Variants in COLEC10 observed in about 807,000 individuals in gnomAD.
The protein encoded by COLEC10 is collectin subfamily member 10.
Under a neutral mutation model 28.4 loss-of-function variants are expected in COLEC10, and 22 were observed. The observed-to-expected ratio is 0.78, with a 90% CI of 0.55 to 1.11. COLEC10 has a LOEUF of 1.11. Among genes scored for constraint, COLEC10 ranks in the 50% least tolerant of loss-of-function variants. COLEC10 has a pLI of 0.00. For missense variants in COLEC10, 361 were observed against 344.1 expected, an observed-to-expected ratio of 1.05 and a Z score of -0.39; for synonymous variants, 125 against 116.1, an observed-to-expected ratio of 1.08 and a Z score of -0.49.
At chr8:119,097,332 G>A (rs371992436) in intron 3 of COLEC10, among the ~76,000 whole-genome samples, 22 of 151,758 alleles carry the variant, frequency 1.4e-4, no homozygotes, top group Middle Eastern at 3.4e-3. Flanking sequence ...ATCTGACTAC[G>A]TTATCCCTCT....
chr8:119,073,666 A>G (rs1587042628), intron 1 of COLEC10, among the ~76,000 whole-genome samples: 2 of 152,192 alleles, frequency 1.3e-5, no homozygotes, highest in South Asian at 4.1e-4. Context: ...TTAGGTCATG[A>G]AAGGAAGAAT....
chr8:118,999,046 G>A (rs1813642188), intron 1 of COLEC10, among the ~76,000 whole-genome samples: 1 of 152,000 alleles, frequency 6.6e-6, no homozygotes, highest in Non-Finnish European at 1.5e-5. Context: ...ACAAAGTAAT[G>A]TTACCAATAG....
At chr8:119,050,786 A>G (rs945959719) in intron 2 of COLEC10, among the ~76,000 whole-genome samples, 10 of 152,250 alleles carry the variant, frequency 6.6e-5, no homozygotes. Context: ...TGACATGTTT[A>G]TAGAATGGGC....
At chr8:119,082,127 GC>G (rs1432941618) in intron 1 of COLEC10, among the ~76,000 whole-genome samples, 1 of 152,176 alleles carries the variant, frequency 6.6e-6, no homozygotes, top group Non-Finnish European at 1.5e-5. Flanking sequence ...CGGGTACTGA[GC>G]CTTGGAAATT....
At chr8:118,995,920 A>T (rs560208823) in intron 1 of COLEC10, among the ~76,000 whole-genome samples, 3 of 152,218 alleles carry the variant, frequency 2.0e-5, no homozygotes, top group African/African-American at 7.2e-5. Flanking sequence ...ATACCCCCTG[A>T]ACAAGTTTTT....
At chr8:119,052,370 C>T (rs2130178871) in intron 2 of COLEC10, among the ~76,000 whole-genome samples, 1 of 152,148 alleles carries the variant, frequency 6.6e-6, no homozygotes, top group Middle Eastern at 3.4e-3. Flanking sequence ...GACAGTGTTG[C>T]TGGGGAAGAG....
the COLEC10 span, among the ~76,000 whole-genome samples, chr8:118,956,256 T>G: frequency 6.6e-6 from 1 of 152,212 alleles, no homozygotes; most frequent in Non-Finnish European, 1.5e-5. Flanking sequence ...GGTTAGGATT[T>G]CAACATCTGA....
At chr8:118,978,588 T>C in the COLEC10 span, among the ~76,000 whole-genome samples, 3 of 151,982 alleles carry the variant, frequency 2.0e-5, no homozygotes, top group Admixed American at 2.0e-4. Flanking sequence ...TTTAAAAATA[T>C]ATCTGTAAGT....
intron 1 of COLEC10, among the ~76,000 whole-genome samples, chr8:119,080,657 G>T (rs898123641): frequency 6.6e-6 from 1 of 152,034 alleles, no homozygotes; most frequent in Admixed American, 6.6e-5. Context: ...AGGGTTCTGT[G>T]CTTGTTGTAA....
intron 2 of COLEC10, among the ~76,000 whole-genome samples, chr8:119,022,656 G>C (rs1285412038): frequency 2.0e-5 from 3 of 151,774 alleles, no homozygotes; most frequent in Admixed American, 2.0e-4. Context: ...TTGTATGAAG[G>C]GCACTCACCT....
Position 119,091,167 on chromosome 8 carries a change from G to C in COLEC10, c.239G>C (p.Gly80Ala). The change falls in exon 3 of 6, where the codon GGT becomes GCT. Residue 80 changes from glycine (G) to alanine (A), a missense_variant. By Grantham distance (60) the Gly-to-Ala change is moderately conservative. Coordinates refer to ENST00000332843, the MANE Select transcript of COLEC10 (RefSeq NM_006438.5). ...MGPKGIKGELGDMGDQGNIGK... is the reference protein window; with the variant it reads ...MGPKGIKGELADMGDQGNIGK... ...TTTTCAGGAATTAAAGGAGAACTGG[G>C]TGATATGGGAGATCAGGGCAATATT... The C allele has an allele frequency of 6.2e-7, 1 of 1,612,980 alleles. No individual in the cohort carries two copies. The highest frequency in any genetic ancestry group is 8.5e-7 in the Non-Finnish European group (1 of 1,179,320).
At chr8:119,034,021 A>G (rs950245722) in intron 2 of COLEC10, among the ~76,000 whole-genome samples, 1 of 152,260 alleles carries the variant, frequency 6.6e-6, no homozygotes, top group Non-Finnish European at 1.5e-5. Flanking sequence ...GACTAGATAA[A>G]GAAAATGTGG....
chr8:118,993,652 GC>G, upstream of COLEC10, among the ~76,000 whole-genome samples: 1 of 152,274 alleles, frequency 6.6e-6, no homozygotes. Context: ...ACCACACCCA[GC>G]CATGGTCTTT....
Position 119,018,135 on chromosome 8 carries a change from C to T in COLEC10, n.235+8582C>T, listed in dbSNP as rs563377465. 6.6e-5 allele frequency among the ~76,000 whole-genome samples: 10 copies of T among 152,288 alleles called. No individual in the cohort carries two copies. The South Asian group carries it at 1.7e-3, about 25-fold the overall frequency. On this transcript the variant is annotated intron_variant and non_coding_transcript_variant, in intron 2 of 6. Coordinates refer to the COLEC10 transcript ENST00000521788. ...GTATTTCCTGCAAACTTCATTAGTT[C>T]CCTACAGACATGAAAAGAAATTGTT...
At chr8:118,982,819 TG>T in the COLEC10 span, 1 of 152,288 alleles carries the variant, frequency 6.6e-6, no homozygotes, top group African/African-American at 2.4e-5. Flanking sequence ...CTCAGATCTT[TG>T]CGGATTCTGT....
intron 2 of COLEC10, among the ~76,000 whole-genome samples, chr8:119,058,381 C>A (rs1814798409): frequency 6.6e-6 from 1 of 151,968 alleles, no homozygotes; most frequent in African/African-American, 2.4e-5. Context: ...ATACAGCCAT[C>A]ACTTCAACAG....
intron 2 of COLEC10, among the ~76,000 whole-genome samples, chr8:119,051,628 G>A (rs1440815745): frequency 6.6e-6 from 1 of 152,144 alleles, no homozygotes; most frequent in African/African-American, 2.4e-5. Context: ...GTAGATAAAA[G>A]ATTGTGAAAC....
chr8:118,964,846 G>A, the COLEC10 span, among the ~76,000 whole-genome samples: 1 of 152,158 alleles, frequency 6.6e-6, no homozygotes, highest in Non-Finnish European at 1.5e-5. Context: ...ACCAGATACT[G>A]TTCCGTAAGT....
At chr8:119,083,559 T>C (rs2130261700) in intron 1 of COLEC10, among the ~76,000 whole-genome samples, 1 of 152,290 alleles carries the variant, frequency 6.6e-6, no homozygotes, top group African/African-American at 2.4e-5. Flanking sequence ...GCAATATTTA[T>C]GCATCAGTGA....
Sources: allele counts gnomAD v4.1 joint callset (sites outside exome capture counted in the v4.1 genomes callset), GRCh38; gene constraint gnomAD v4.1.1; transcripts MANE v1.5; gene names NCBI Gene and HGNC (gene_info 2026-07-23, HGNC 2026-07-21).